The following TBXAS1 variants were observed in gnomAD, a reference collection of about 807,000 sequenced individuals.
TBXAS1 encodes the protein thromboxane-A synthase.
TBXAS1 carries 48 observed loss-of-function variants against 60.7 expected under a neutral mutation model. That is an observed-to-expected ratio of 0.79 (90% CI 0.63 to 1.01). The LOEUF (loss-of-function observed/expected upper bound fraction) is 1.01, where lower values mean the gene tolerates loss of function less well. TBXAS1 is among the 50% of genes least tolerant of loss of function. TBXAS1 has a pLI of 0.00. For synonymous variants in TBXAS1, 287 were observed against 269.7 expected (o/e 1.06, Z -0.63); for missense variants, 685 against 686.3 (o/e 1.00, Z 0.02).
chr7:139,925,243 G>T (rs1806793308), intron 4 of TBXAS1, among the ~76,000 whole-genome samples: 1 of 152,102 alleles, frequency 6.6e-6, no homozygotes, highest in African/African-American at 2.4e-5. Context: ...AGGTAATATG[G>T]ACATTTTAAC....
intron 1 of TBXAS1, among the ~76,000 whole-genome samples, chr7:139,849,405 A>G (rs1800053179): frequency 6.6e-6 from 1 of 152,052 alleles, no homozygotes; most frequent in Admixed American, 6.6e-5. Context: ...AACAACAAAA[A>G]AAAAACAACC....
rs562916401 is a variant in TBXAS1 at position 139,787,642 on chromosome 7, C to A, written c.-80+216C>A. Among the ~76,000 whole-genome samples, 14 of 152,254 alleles carry A rather than the reference C, an allele frequency of 9.2e-5. No homozygotes were observed. The East Asian group carries it at 2.7e-3, about 29-fold the overall frequency. ...CAACGACTGGGATGGCCAAGGAGAG[C>A]AAGCAGTAGAAACTCAGGTCCAAAG... On this transcript the variant is annotated intron_variant, in intron 4 of 16. Transcript: ENST00000336425.
chr7:139,850,374 A>T (rs1330200517), intron 1 of TBXAS1, among the ~76,000 whole-genome samples: 1 of 152,238 alleles, frequency 6.6e-6, no homozygotes, highest in African/African-American at 2.4e-5. Flanking sequence ...AAAACAAAGC[A>T]CAACATGAAA....
At chr7:139,901,367 T>C (rs550035777) in intron 3 of TBXAS1, among the ~76,000 whole-genome samples, 1 of 150,858 alleles carries the variant, frequency 6.6e-6, no homozygotes, top group South Asian at 2.1e-4. Context: ...CCAAGGTGAC[T>C]ACTTGGAAGG....
At chr7:139,963,473 T>C (rs1289725203) in intron 9 of TBXAS1, among the ~76,000 whole-genome samples, 1 of 152,224 alleles carries the variant, frequency 6.6e-6, no homozygotes, top group African/African-American at 2.4e-5. Context: ...TCCCTCCAGA[T>C]TGACATTGAT....
At chr7:139,850,880 A>G (rs2214757) in intron 1 of TBXAS1, among the ~76,000 whole-genome samples, 38,541 of 152,038 alleles carry the variant, frequency 0.25, 6,283 homozygotes, top group African/African-American at 0.42. Flanking sequence ...GCAAGGAAGG[A>G]GCTCCCTTCG....
intron 9 of TBXAS1, among the ~76,000 whole-genome samples, chr7:139,985,869 T>G (rs1305050066): frequency 6.6e-6 from 1 of 152,180 alleles, no homozygotes; most frequent in Non-Finnish European, 1.5e-5. Context: ...TCCAGCTCCA[T>G]GCCCTCCCCC....
intron 9 of TBXAS1, among the ~76,000 whole-genome samples, chr7:139,987,320 G>C (rs1038252707): frequency 6.6e-6 from 1 of 152,090 alleles, no homozygotes; most frequent in Admixed American, 6.5e-5. Context: ...CCAGGGTCCC[G>C]GGGAGACTAA....
intron 4 of TBXAS1, among the ~76,000 whole-genome samples, chr7:139,924,417 CTTT>C (rs1806725212): frequency 6.6e-6 from 1 of 151,840 alleles, no homozygotes; most frequent in African/African-American, 2.4e-5. Flanking sequence ...TGTTGAGTAC[CTTT>C]TCATATGCCT....
At chr7:139,935,398 G>T in intron 4 of TBXAS1, among the ~76,000 whole-genome samples, 1 of 152,120 alleles carries the variant, frequency 6.6e-6, no homozygotes, top group Non-Finnish European at 1.5e-5. Context: ...TTGCTTTTTG[G>T]AACTTGGTGG....
chr7:139,787,532 G>A (rs1797237310), intron 4 of TBXAS1: 1 of 152,184 alleles, frequency 6.6e-6, no homozygotes, highest in Non-Finnish European at 1.5e-5. Context: ...GCCAGAGAGG[G>A]GAAGGTGGTG....
At chr7:139,842,351 C>T (rs1274586633) in intron 1 of TBXAS1, among the ~76,000 whole-genome samples, 1 of 152,134 alleles carries the variant, frequency 6.6e-6, no homozygotes, top group South Asian at 2.1e-4. Flanking sequence ...GCGATGCCTT[C>T]CCGGGAAGGA....
intron 4 of TBXAS1, among the ~76,000 whole-genome samples, chr7:139,926,856 A>G (rs532438507): frequency 3.9e-5 from 6 of 151,988 alleles, no homozygotes; most frequent in South Asian, 2.1e-4. Flanking sequence ...AAATTTTTCA[A>G]TTTCCCTCTT....
chr7:139,981,992 C>T lies in TBXAS1; in HGVS notation c.1134+19759C>T, dbSNP rs926842552. ...CTGTTAATTTATGATCATATTAAAA[C>T]ACAAAGTTTTGTAGTTTGAAGCAGT... is the stretch of plus-strand genomic sequence containing the variant. On this transcript the variant is annotated intron_variant, in intron 9 of 12. Transcript: ENST00000448866. 2.8e-4 allele frequency among the ~76,000 whole-genome samples: 42 copies of T among 152,238 alleles called. 1 individual carries two copies. The highest frequency in any genetic ancestry group is 9.6e-4 in the African/African-American group (40 of 41,526).
At chr7:139,830,418 AT>A (rs1206315220) in intron 1 of TBXAS1, among the ~76,000 whole-genome samples, 6 of 152,190 alleles carry the variant, frequency 3.9e-5, no homozygotes, top group Admixed American at 3.9e-4. Flanking sequence ...TTCTTTTGGA[AT>A]TTGCATAGCT....
chr7:139,927,848 A>C (rs1179543451), intron 4 of TBXAS1, among the ~76,000 whole-genome samples: 2 of 152,172 alleles, frequency 1.3e-5, no homozygotes, highest in African/African-American at 4.8e-5. Flanking sequence ...TTTGTATATT[A>C]AATTTGTATC....
chr7:139,969,258 C>T (rs1016445398), intron 9 of TBXAS1, among the ~76,000 whole-genome samples: 4 of 152,132 alleles, frequency 2.6e-5, no homozygotes, highest in Non-Finnish European at 4.4e-5. Flanking sequence ...TAAAACTTCT[C>T]TTGAAGAGCT....
rs1428177424 is a variant in TBXAS1 at position 139,896,517 on chromosome 7, T to G, written c.237-14708T>G. On this transcript the variant is annotated intron_variant, in intron 3 of 12. Transcript: ENST00000448866. The surrounding 1 kb of genome is among the most constrained non-coding windows in gnomAD (Gnocchi z 4.0). Reference sequence around the variant, plus strand: ...GGTGCCACAGTGAACTCACAGGGGCTTCCTGGGCTATGGTATTTTACACAT... The same window carrying G: ...GGTGCCACAGTGAACTCACAGGGGCGTCCTGGGCTATGGTATTTTACACAT... Among the ~76,000 whole-genome samples, 2 of 152,216 alleles carry G rather than the reference T, an allele frequency of 1.3e-5. No homozygotes were observed. Among genetic ancestry groups the G allele is most frequent in the African/African-American group, 4.8e-5 (2 of 41,454 alleles).
rs887247218 is a variant in TBXAS1, at chr7:140,011,134, G to A, written c.1226+3952G>A. On this transcript the variant is annotated intron_variant, in intron 10 of 12. Coordinates refer to ENST00000448866, the MANE Select transcript of TBXAS1 (RefSeq NM_001061.7). ...TCTACTAAAAATACAAAAATTAGCC[G>A]GGCATGGTGGCAGAAACCTGTAATC... 7.2e-5 allele frequency among the ~76,000 whole-genome samples: 11 copies of A among 151,762 alleles called. 1 individual carries two copies. In the East Asian group the frequency reaches 1.3e-3, roughly 19 times the overall value.
Sources: gnomAD v4.1 joint callset for allele counts (sites outside exome capture counted in the v4.1 genomes callset) on GRCh38, gnomAD v4.1.1 for gene constraint, Gnocchi (gnomAD v3.1) non-coding constraint, MANE v1.5 for transcripts, NCBI Gene and HGNC (gene_info 2026-07-23, HGNC 2026-07-21) for gene names.